The following SPIDR variants were observed in gnomAD, a reference collection of about 807,000 sequenced individuals.
The protein encoded by SPIDR is scaffold protein involved in DNA repair.
A neutral mutation model predicts 104.6 loss-of-function variants in SPIDR; 93 were observed. The ratio of observed to expected loss-of-function variants is 0.89; its 90% CI spans 0.75 to 1.06. SPIDR has a LOEUF of 1.06. SPIDR is among the 50% of genes least tolerant of loss of function. SPIDR has a pLI of 0.00. For missense variants in SPIDR, 1,154 were observed against 1,111.2 expected (o/e 1.04, Z -0.55); for synonymous variants, 431 against 416.9 (o/e 1.03, Z -0.41).
chr8:47,290,147 C>A (rs1258390411), intron 3 of SPIDR, among the ~76,000 whole-genome samples: 3 of 152,152 alleles, frequency 2.0e-5, no homozygotes, highest in African/African-American at 7.2e-5. Context: ...TCAAGCGATT[C>A]TCCTGCCTCA....
intron 11 of SPIDR, among the ~76,000 whole-genome samples, chr8:47,679,333 G>A (rs1307223259): frequency 6.6e-6 from 1 of 152,202 alleles, no homozygotes; most frequent in East Asian, 1.9e-4. Flanking sequence ...TCATACAAGG[G>A]CTGCTCTCCA....
At chr8:47,543,109 T>C (rs2088567299) in intron 8 of SPIDR, among the ~76,000 whole-genome samples, 1 of 152,234 alleles carries the variant, frequency 6.6e-6, no homozygotes, top group Non-Finnish European at 1.5e-5. Flanking sequence ...CCAACTTTTA[T>C]GAATAGTGCT....
intron 5 of SPIDR, among the ~76,000 whole-genome samples, chr8:47,326,269 C>G (rs555632696): frequency 1.3e-5 from 2 of 152,276 alleles, no homozygotes; most frequent in Admixed American, 1.3e-4. Flanking sequence ...CCTGTCTCAG[C>G]CTCCCAAAGT....
chr8:47,706,802 C>T (rs1252603479), intron 14 of SPIDR, among the ~76,000 whole-genome samples: 1 of 152,222 alleles, frequency 6.6e-6, no homozygotes, highest in Non-Finnish European at 1.5e-5. Context: ...TTCTCTCACA[C>T]TTCCGGAGGC....
intron 5 of SPIDR, among the ~76,000 whole-genome samples, chr8:47,377,336 T>C (rs977257124): frequency 2.0e-5 from 3 of 152,196 alleles, no homozygotes; most frequent in Non-Finnish European, 4.4e-5. Flanking sequence ...ATCTCCAAGT[T>C]CAGTGCTTTG....
intron 10 of SPIDR, among the ~76,000 whole-genome samples, chr8:47,659,922 T>A (rs1173421513): frequency 6.6e-6 from 1 of 152,184 alleles, no homozygotes; most frequent in Non-Finnish European, 1.5e-5. Context: ...TAAGAACTGC[T>A]CCCATAACTC....
intron 8 of SPIDR, among the ~76,000 whole-genome samples, chr8:47,544,166 C>T (rs1329944855): frequency 2.0e-5 from 3 of 152,064 alleles, no homozygotes; most frequent in African/African-American, 7.2e-5. Context: ...AGCATCTTTT[C>T]ATGTGCTCAT....
chr8:47,369,559 A>G (rs1201332048), intron 5 of SPIDR, among the ~76,000 whole-genome samples: 14 of 152,138 alleles, frequency 9.2e-5, no homozygotes, highest in African/African-American at 3.1e-4. Context: ...TTTTTATCTA[A>G]AGCCATAAGT....
chr8:47,389,719 T>C lies in SPIDR; in HGVS notation c.526-6657T>C, dbSNP rs567210242. On this transcript the variant is annotated intron_variant, in intron 5 of 19. Coordinates refer to ENST00000297423, the MANE Select transcript of SPIDR (RefSeq NM_001080394.4). ...AAAAAAAAAAAAAAAAAAGTTTCCA[T>C]GGAACAAAAATTTCGCCCAAGTACA... Among the ~76,000 whole-genome samples the C allele has an allele frequency of 8.7e-4, 125 of 144,074 alleles. 2 individuals carry two copies. Among genetic ancestry groups the C allele is most frequent in the Non-Finnish European group, 1.4e-3 (91 of 66,294 alleles). The allele number at this position is 144,074 out of a possible 152,430, so 94.5% of individuals were successfully genotyped here.
At chr8:47,585,971 C>G (rs1031974083) in intron 8 of SPIDR, among the ~76,000 whole-genome samples, 5 of 152,170 alleles carry the variant, frequency 3.3e-5, no homozygotes, top group Non-Finnish European at 7.3e-5. Flanking sequence ...CAAACCATAG[C>G]AACCAAAATA....
chr8:47,315,226 A>T (rs1459645705), intron 5 of SPIDR, among the ~76,000 whole-genome samples: 6 of 152,188 alleles, frequency 3.9e-5, no homozygotes, highest in Non-Finnish European at 1.5e-5. Flanking sequence ...CCTAACTGAC[A>T]TTTGTAGAAT....
rs1445599096 is a variant in SPIDR, at chr8:47,595,972, T to C, written c.1259T>C (p.Ile420Thr). ...RSISLAQMFV[I>T]KGLTNNSPEI... ...ATCTCTTTGGCCCAGATGTTTGTAA[T>C]TAAGGGTCTAACAAATAATTCACCT... Residue 420 changes from isoleucine to threonine, a missense_variant, in exon 9 of 20, where the codon ATT becomes ACT. Ile to Thr is a moderately conservative substitution (Grantham distance 89). Coordinates refer to ENST00000297423, the MANE Select transcript of SPIDR (RefSeq NM_001080394.4). 3.1e-6 allele frequency: 5 copies of C among 1,613,504 alleles called. No individual in the cohort carries two copies. Among genetic ancestry groups the C allele is most frequent in the Non-Finnish European group, 4.2e-6 (5 of 1,179,902 alleles).
intron 8 of SPIDR, among the ~76,000 whole-genome samples, chr8:47,444,444 A>G (rs1332330854): frequency 6.6e-6 from 1 of 152,252 alleles, no homozygotes; most frequent in South Asian, 2.1e-4. Context: ...ACATCCCAGT[A>G]TGCTGGAAGA....
At chr8:47,464,538 A>G (rs2074453606) in intron 8 of SPIDR, among the ~76,000 whole-genome samples, 1 of 151,946 alleles carries the variant, frequency 6.6e-6, no homozygotes, top group South Asian at 2.1e-4. Flanking sequence ...GCATACTGGG[A>G]CTCCTTCCTA....
chr8:47,608,395 A>G (rs117247033), intron 10 of SPIDR, among the ~76,000 whole-genome samples: 2,181 of 152,318 alleles, frequency 0.014, 24 homozygotes, highest in Non-Finnish European at 0.021. Flanking sequence ...GAATAGTGCT[A>G]CTATGAATAT....
intron 10 of SPIDR, chr8:47,659,726 TTC>T (rs1491544888): frequency 7.4e-5 from 73 of 985,160 alleles, no homozygotes; most frequent in Non-Finnish European, 8.6e-5. Context: ...CTCCCTTTTT[TTC>T]TCTCTCTCTT....
chr8:47,461,236 A>G (rs1415130875), intron 8 of SPIDR, among the ~76,000 whole-genome samples: 1 of 152,224 alleles, frequency 6.6e-6, no homozygotes, highest in African/African-American at 2.4e-5. Flanking sequence ...TTCCCCAAAT[A>G]TGTTTTACAA....
At chr8:47,322,085 A>G (rs1234661880) in intron 5 of SPIDR, among the ~76,000 whole-genome samples, 1 of 152,222 alleles carries the variant, frequency 6.6e-6, no homozygotes, top group Non-Finnish European at 1.5e-5. Context: ...GAAAGCCAAA[A>G]TTGACAACTA....
chr8:47,488,740 A>G (rs902802605), intron 8 of SPIDR, among the ~76,000 whole-genome samples: 80 of 152,224 alleles, frequency 5.3e-4, no homozygotes, highest in African/African-American at 1.9e-3. Context: ...AACGGAACCA[A>G]AGACAAAAAC....
Sources: allele counts gnomAD v4.1 joint callset (sites outside exome capture counted in the v4.1 genomes callset), GRCh38; gene constraint gnomAD v4.1.1; transcripts MANE v1.5; gene names NCBI Gene and HGNC (gene_info 2026-07-23, HGNC 2026-07-21).